Variants in LRRK1 observed in about 807,000 individuals in gnomAD.
The protein encoded by LRRK1 is leucine-rich repeat serine/threonine-protein kinase 1.
LRRK1 carries 113 observed loss-of-function variants against 209.1 expected under a neutral mutation model. The ratio of observed to expected loss-of-function variants is 0.54; its 90% confidence interval spans 0.46 to 0.63. The LOEUF (loss-of-function observed/expected upper bound fraction) is 0.63, where lower values mean the gene tolerates loss of function less well. LRRK1 is among the 30% of genes least tolerant of loss of function. The pLI is 0.00. For synonymous variants in LRRK1, 1,144 were observed against 1,099.7 expected, an observed-to-expected ratio of 1.04 and a Z score of -0.80; for missense variants, 2,284 against 2,632.2, an observed-to-expected ratio of 0.87 and a Z score of 2.89.
At position 100,973,791 on chromosome 15, in the gene LRRK1, T is replaced by TCC; in HGVS notation, c.98-12_98-11dup. On this transcript the variant is annotated splice_polypyrimidine_tract_variant and intron_variant, in intron 2 of 33. Transcript: ENST00000388948. ...GGCGGTGACGCCGTGTGTGTGTGCT[T>TCC]CCTCCCGCGCAGGTGCCGGGGACAC... The TCC allele has an allele frequency of 1.6e-6, 2 of 1,276,842 alleles. No individual in the cohort carries two copies. Among genetic ancestry groups the TCC allele is most frequent in the Non-Finnish European group, 2.0e-6 (2 of 1,009,268 alleles). The allele number at this position is 1,276,842 out of a possible 1,614,324, so 79.1% of individuals were successfully genotyped here. A position where few individuals can be genotyped will look rare whatever the true frequency, so the allele number is the denominator to read the frequency against.
At chr15:100,980,698 A>C (rs1257839860) in intron 3 of LRRK1, among the ~76,000 whole-genome samples, 1 of 3,050 alleles carries the variant, frequency 3.3e-4, no homozygotes. Flanking sequence ...CAAAGCAAAA[A>C]GTTAAAAAAA....
At chr15:101,017,442 C>T (rs2033589843) in intron 12 of LRRK1, among the ~76,000 whole-genome samples, 1 of 152,150 alleles carries the variant, frequency 6.6e-6, no homozygotes, top group East Asian at 1.9e-4. Flanking sequence ...CATCGGGAGT[C>T]CCCAGCGCCC....
At chr15:101,015,110 A>G (rs1239057995) in intron 11 of LRRK1, among the ~76,000 whole-genome samples, 2 of 152,198 alleles carry the variant, frequency 1.3e-5, no homozygotes, top group African/African-American at 2.4e-5. Flanking sequence ...CTTCTGCAGT[A>G]TCACGGTGGA....
chr15:101,029,425 G>A (rs757360540), intron 20 of LRRK1, among the ~76,000 whole-genome samples, 193 bp downstream of exon 20: 4 of 149,248 alleles, frequency 2.7e-5, no homozygotes, highest in Admixed American at 1.3e-4. Flanking sequence ...ACGGCTGGCC[G>A]CTCCCTCCTG....
intron 15 of LRRK1, among the ~76,000 whole-genome samples, chr15:101,023,987 C>T (rs771594955): frequency 1.5e-4 from 23 of 152,196 alleles, no homozygotes; most frequent in Non-Finnish European, 2.6e-4. Context: ...TTAGCTTCCT[C>T]TAGCTGAGGC....
intron 2 of LRRK1, among the ~76,000 whole-genome samples, chr15:100,952,167 G>C (rs571768043): frequency 6.6e-6 from 1 of 152,278 alleles, no homozygotes; most frequent in African/African-American, 2.4e-5. Flanking sequence ...CAGGGACCTG[G>C]AGGAGGAAGT....
chr15:100,983,934 A>G (rs1045220060), intron 4 of LRRK1: 5 of 628,580 alleles, frequency 8.0e-6, no homozygotes, highest in African/African-American at 5.5e-5. Context: ...TGTAATTAAC[A>G]TTGCTTTTTA....
At chr15:100,950,939 T>TA (rs1468377823) in intron 2 of LRRK1, among the ~76,000 whole-genome samples, 4 of 151,870 alleles carry the variant, frequency 2.6e-5, no homozygotes, top group African/African-American at 9.7e-5. Context: ...CCATCTCTAC[T>TA]AAAAATACAA....
rs902408284 is a variant in LRRK1, at chr15:100,919,420, A to G, written c.-154A>G. 15 of 148,934 alleles carry G rather than the reference A, an allele frequency of 1.0e-4. No individual in the cohort carries two copies. The highest frequency in any genetic ancestry group is 3.7e-4 in the African/African-American group (15 of 40,774). 9.2% of individuals were successfully genotyped at this position (148,934 alleles called of 1,614,324 possible). On this transcript the variant is annotated 5_prime_UTR_variant, in exon 1 of 34. Transcript: ENST00000388948. This position sits in a 1 kb window ranked among gnomAD's most constrained non-coding sequence, Gnocchi z 5.8. The stretch of plus-strand genomic sequence containing the variant: ...GTGTCCGCCCGGCCCCGCGTCCCGG[A>G]GCGCCCGCACCCGGCCCCGCCGCCG...
intron 4 of LRRK1, among the ~76,000 whole-genome samples, chr15:100,986,321 T>C (rs2031867421): frequency 6.6e-6 from 1 of 152,236 alleles, no homozygotes; most frequent in Non-Finnish European, 1.5e-5. Flanking sequence ...TCCTGGTCTC[T>C]GAAGCTGAGC....
intron 2 of LRRK1, among the ~76,000 whole-genome samples, chr15:100,972,781 C>G (rs1414084513): frequency 6.6e-6 from 1 of 152,172 alleles, no homozygotes; most frequent in East Asian, 1.9e-4. Flanking sequence ...TCTGCTATCA[C>G]TCCACACAGT....
chr15:100,993,468 C>T (rs2032258933), intron 6 of LRRK1, among the ~76,000 whole-genome samples: 1 of 152,198 alleles, frequency 6.6e-6, no homozygotes, highest in African/African-American at 2.4e-5. Context: ...TTTTGCTTGA[C>T]ATACCTGGTT....
At chr15:101,011,407 C>G (rs180782629) in intron 9 of LRRK1, among the ~76,000 whole-genome samples, 259 of 145,598 alleles carry the variant, frequency 1.8e-3, no homozygotes, top group African/African-American at 6.5e-3. Context: ...ACCGGGGAGG[C>G]AGAGGTTGCA....
chr15:101,021,275 C>T, intron 13 of LRRK1, 93 bp downstream of exon 13: 1 of 1,368,756 alleles, frequency 7.3e-7, no homozygotes, highest in East Asian at 2.4e-5. Flanking sequence ...GAAAGCCAGG[C>T]AGAAAGAAGC....
intron 6 of LRRK1, among the ~76,000 whole-genome samples, chr15:100,999,088 C>T (rs1490673447): frequency 6.6e-6 from 1 of 152,196 alleles, no homozygotes; most frequent in Non-Finnish European, 1.5e-5. Flanking sequence ...AGGGTTCTCT[C>T]GAAAGCAAGT....
intron 2 of LRRK1, among the ~76,000 whole-genome samples, chr15:100,954,177 G>A (rs1448443157): frequency 6.6e-6 from 1 of 152,136 alleles, no homozygotes; most frequent in Non-Finnish European, 1.5e-5. Flanking sequence ...GCCTCCCAAA[G>A]TGCTGGGATT....
intron 2 of LRRK1, among the ~76,000 whole-genome samples, chr15:100,968,631 C>CTCTT (rs1215944558): frequency 2.6e-5 from 4 of 152,200 alleles, no homozygotes; most frequent in South Asian, 2.1e-4. Context: ...TTTGCCCTCT[C>CTCTT]TCTTTCTTTC....
chr15:100,952,443 G>A (rs2042673774), intron 2 of LRRK1, among the ~76,000 whole-genome samples: 1 of 152,210 alleles, frequency 6.6e-6, no homozygotes, highest in African/African-American at 2.4e-5. Context: ...GAATTTGCCT[G>A]TGTTTTCTTC....
In LRRK1 at chr15:101,073,732, C is replaced by A. The variant is rs2036884884; in HGVS notation, c.*4884C>A. ...TTCCCACTTTTCTGGAGAGTAAGAA[C>A]CCCTGAACCGCTTCTCTCCGTGTCT... On this transcript the variant is annotated 3_prime_UTR_variant, in exon 34 of 34. Coordinates refer to ENST00000388948, the MANE Select transcript of LRRK1 (RefSeq NM_024652.6). 6.6e-6 allele frequency: 1 copy of A among 151,676 alleles called. No individual in the cohort carries two copies. The highest frequency in any genetic ancestry group is 2.4e-5 in the African/African-American group (1 of 41,212). The allele number at this position is 151,676 out of a possible 1,614,324, so 9.4% of individuals were successfully genotyped here. A position where few individuals can be genotyped will look rare whatever the true frequency, so the allele number is the denominator to read the frequency against.
Sources: gnomAD v4.1 joint callset for allele counts (sites outside exome capture counted in the v4.1 genomes callset) on GRCh38, gnomAD v4.1.1 for gene constraint, Gnocchi (gnomAD v3.1) non-coding constraint, MANE v1.5 for transcripts, NCBI Gene and HGNC (gene_info 2026-07-23, HGNC 2026-07-21) for gene names.